The following RBFOX1 variants were observed in gnomAD, a reference collection of about 807,000 sequenced individuals.
The protein encoded by RBFOX1 is RNA binding fox-1 homolog 1, also known as RNA binding protein fox-1 homolog 1.
A neutral mutation model predicts 57.7 loss-of-function variants in RBFOX1; 8 were observed. The observed-to-expected ratio is 0.14, with a 90% CI of 0.08 to 0.25. The LOEUF (loss-of-function observed/expected upper bound fraction) is 0.25. Ranked by LOEUF, RBFOX1 falls within the 10% of genes least tolerant of loss-of-function variation. RBFOX1 has a pLI of 1.00. For missense variants in RBFOX1, 611 were observed against 548.5 expected (o/e 1.11, Z -1.14); for synonymous variants, 326 against 222.4 (o/e 1.47, Z -4.15).
At chr16:6,796,218 CTT>C (rs1218143193) in intron 3 of RBFOX1, among the ~76,000 whole-genome samples, 3 of 152,072 alleles carry the variant, frequency 2.0e-5, no homozygotes, top group Non-Finnish European at 4.4e-5. Flanking sequence ...TCTGAAGAGA[CTT>C]ATTCACTATG....
chr16:7,014,630 A>C (rs569828037), intron 3 of RBFOX1, among the ~76,000 whole-genome samples: 3 of 152,260 alleles, frequency 2.0e-5, no homozygotes, highest in African/African-American at 7.2e-5. Context: ...AAAGGTTGGG[A>C]AAATATATTT....
chr16:6,754,766 C>T (rs191604780), intron 3 of RBFOX1, among the ~76,000 whole-genome samples: 3 of 151,936 alleles, frequency 2.0e-5, no homozygotes, highest in Non-Finnish European at 2.9e-5. Context: ...AGGTTAGTTA[C>T]ATATGTATAC....
In RBFOX1 at chr16:7,664,984, C is replaced by T. The variant is rs373105750; in HGVS notation, c.930+16C>T. 33 of 1,613,792 alleles carry T rather than the reference C, an allele frequency of 2.0e-5. 1 individual carries two copies. The highest frequency in any genetic ancestry group is 1.1e-4 in the South Asian group (10 of 91,082). On this transcript the variant is annotated intron_variant, in intron 13 of 15. Transcript: ENST00000550418. ...AGACATTTATGTAAGTATTCATTCACGTGCATGCCATCCCCGTTTCCTCCT... is the reference window on the plus strand; with the variant it reads ...AGACATTTATGTAAGTATTCATTCATGTGCATGCCATCCCCGTTTCCTCCT...
At chr16:6,108,063 T>G (rs2096403331) in intron 1 of RBFOX1, among the ~76,000 whole-genome samples, 1 of 152,182 alleles carries the variant, frequency 6.6e-6, no homozygotes, top group Non-Finnish European at 1.5e-5. Flanking sequence ...ATATCAATAC[T>G]TAATGGATCA....
intron 3 of RBFOX1, among the ~76,000 whole-genome samples, chr16:5,680,049 A>G (rs972768765): frequency 6.6e-6 from 1 of 152,234 alleles, no homozygotes; most frequent in African/African-American, 2.4e-5. Flanking sequence ...AATGGCTGTT[A>G]GAGTTGGGGC....
At chr16:5,529,541 C>A (rs562546958) in intron 2 of RBFOX1, among the ~76,000 whole-genome samples, 2 of 150,704 alleles carry the variant, frequency 1.3e-5, no homozygotes, top group Non-Finnish European at 3.0e-5. Flanking sequence ...GGACTACAGG[C>A]GTGCACCACC....
chr16:6,282,629 A>T (rs2076511603), intron 1 of RBFOX1, among the ~76,000 whole-genome samples: 1 of 151,996 alleles, frequency 6.6e-6, no homozygotes, highest in Non-Finnish European at 1.5e-5. Context: ...GAGTGAGAAC[A>T]TGTGGTGTTT....
chr16:6,639,544 T>C (rs1238053492), intron 2 of RBFOX1, among the ~76,000 whole-genome samples: 1 of 152,166 alleles, frequency 6.6e-6, no homozygotes, highest in Non-Finnish European at 1.5e-5. Context: ...GATAAAATTA[T>C]ACAAATACAC....
intron 3 of RBFOX1, among the ~76,000 whole-genome samples, chr16:7,049,537 C>CA (rs1806194495): frequency 6.6e-6 from 1 of 152,122 alleles, no homozygotes; most frequent in African/African-American, 2.4e-5. Flanking sequence ...TTTTTCAAGA[C>CA]AAAACCAGAG....
chr16:6,307,232 C>T (rs2079618602), intron 1 of RBFOX1, among the ~76,000 whole-genome samples: 1 of 152,042 alleles, frequency 6.6e-6, no homozygotes, highest in Non-Finnish European at 1.5e-5. Flanking sequence ...GTGCCTAGTA[C>T]ATGGTAAATA....
chr16:7,615,328 A>C (rs1048590603), intron 10 of RBFOX1, among the ~76,000 whole-genome samples: 32 of 118,832 alleles, frequency 2.7e-4, no homozygotes, highest in Admixed American at 2.3e-3. Flanking sequence ...GCAAGACTCC[A>C]TCTCAAAATA....
At chr16:6,293,842 C>T (rs1348762115) in intron 1 of RBFOX1, among the ~76,000 whole-genome samples, 1 of 106,444 alleles carries the variant, frequency 9.4e-6, no homozygotes, top group Non-Finnish European at 2.1e-5. Context: ...ACACTCTCTT[C>T]ATATGCCAAT....
At chr16:7,586,715 C>T (rs1341915696) in intron 6 of RBFOX1, among the ~76,000 whole-genome samples, 1 of 152,226 alleles carries the variant, frequency 6.6e-6, no homozygotes, top group Non-Finnish European at 1.5e-5. Flanking sequence ...CTGATCACAA[C>T]TGCTGATACC....
chr16:6,745,514 G>A (rs1473368278), intron 3 of RBFOX1, among the ~76,000 whole-genome samples: 1 of 152,110 alleles, frequency 6.6e-6, no homozygotes, highest in African/African-American at 2.4e-5. Context: ...ATCAATTTAT[G>A]AAATACACCA....
intron 4 of RBFOX1, among the ~76,000 whole-genome samples, chr16:7,231,569 C>G (rs1043543182): frequency 1.3e-5 from 2 of 152,216 alleles, no homozygotes; most frequent in Non-Finnish European, 2.9e-5. Flanking sequence ...TAAACAGATT[C>G]ACTTGAATCC....
intron 1 of RBFOX1, among the ~76,000 whole-genome samples, chr16:6,224,500 T>G (rs1194798531): frequency 6.6e-6 from 1 of 152,000 alleles, no homozygotes; most frequent in African/African-American, 2.4e-5. Flanking sequence ...ACACTTGGAG[T>G]AGTAAGATGC....
At chr16:5,643,313 G>T (rs1175610779) in intron 3 of RBFOX1, among the ~76,000 whole-genome samples, 1 of 152,108 alleles carries the variant, frequency 6.6e-6, no homozygotes, top group Non-Finnish European at 1.5e-5. Flanking sequence ...TTTTTTTAGG[G>T]TGTGGCTGCC....
At position 6,843,458 on chromosome 16, in the gene RBFOX1, G is replaced by C. The variant is rs370303306; in HGVS notation, c.-16+188808G>C. ...AATCCCAGTACTTTGGGAGGCTGAG[G>C]CGGGCAGATCACGAGGTCAGGAGAT... On this transcript the variant is annotated intron_variant, in intron 3 of 15. Coordinates refer to ENST00000550418, the MANE Select transcript of RBFOX1 (RefSeq NM_018723.4). Among the ~76,000 whole-genome samples the C allele has an allele frequency of 2.8e-4, 43 of 152,240 alleles. 1 individual carries two copies. The highest frequency in any genetic ancestry group is 8.4e-4 in the African/African-American group (35 of 41,534).
intron 5 of RBFOX1, among the ~76,000 whole-genome samples, chr16:7,548,696 C>G (rs7187572): frequency 0.024 from 3,664 of 152,262 alleles, 176 homozygotes; most frequent in African/African-American, 0.083. Flanking sequence ...TGCTGTTCAC[C>G]CATATCTCCC....
Sources: allele counts gnomAD v4.1 joint callset (sites outside exome capture counted in the v4.1 genomes callset), GRCh38; gene constraint gnomAD v4.1.1; transcripts MANE v1.5; gene names NCBI Gene and HGNC (gene_info 2026-07-23, HGNC 2026-07-21).